DIPK1A: variants seen among roughly 807,000 people sequenced by gnomAD.
DIPK1A encodes the protein divergent protein kinase domain 1A.
A neutral mutation model predicts 40.8 loss-of-function variants in DIPK1A; 27 were observed. The ratio of observed to expected loss-of-function variants is 0.66; its 90% CI spans 0.49 to 0.91. The LOEUF (loss-of-function observed/expected upper bound fraction) is 0.91, where lower values mean the gene tolerates loss of function less well. Ranked by LOEUF, DIPK1A falls within the 40% of genes least tolerant of loss-of-function variation. DIPK1A has a pLI of 0.00. For missense variants in DIPK1A, 412 were observed against 505.7 expected, an observed-to-expected ratio of 0.81 and a Z score of 1.78; for synonymous variants, 166 against 171.3, an observed-to-expected ratio of 0.97 and a Z score of 0.24.
rs750524736 is a variant in DIPK1A at position 92,876,393 on chromosome 1, A to T, written c.92T>A (p.Phe31Tyr). Residue 31 changes from phenylalanine to tyrosine, a missense_variant, in exon 2 of 5, where the codon TTT (phenylalanine) becomes TAT (tyrosine). Transcript: ENST00000370310. ...FSYVRMKYLF[F>Y]SWLVVFVGSW... is the part of the protein sequence containing the mutation. ...TCCAACAAAAACCACTAACCAGGAA[A>T]AGAAAAGATATTTCATCCGCACATA... 1 of 1,613,668 alleles carries T rather than the reference A, an allele frequency of 6.2e-7. No individual in the cohort carries two copies. The highest frequency in any genetic ancestry group is 8.5e-7 in the Non-Finnish European group (1 of 1,179,686).
intron 1 of DIPK1A, among the ~76,000 whole-genome samples, chr1:92,918,615 C>G (rs919563452): frequency 2.6e-5 from 4 of 152,180 alleles, no homozygotes; most frequent in Non-Finnish European, 4.4e-5. Flanking sequence ...CCTAATCATT[C>G]CTATAACTCC....
chr1:92,878,946 G>A (rs570650185), intron 1 of DIPK1A, among the ~76,000 whole-genome samples: 1 of 152,298 alleles, frequency 6.6e-6, no homozygotes, highest in East Asian at 1.9e-4. Context: ...GGCGGAGGTT[G>A]CAGTGAGCCG....
chr1:92,836,055 C>G, intron 4 of DIPK1A: 1 of 749,618 alleles, frequency 1.3e-6, no homozygotes, highest in South Asian at 1.5e-5. Flanking sequence ...GCAAGTGGAT[C>G]TGGTGAAAGG....
intron 3 of DIPK1A, among the ~76,000 whole-genome samples, chr1:92,849,671 C>A (rs1687749078): frequency 6.6e-6 from 1 of 152,162 alleles, no homozygotes; most frequent in African/African-American, 2.4e-5. Context: ...TGCCACCACA[C>A]CCGGCTAATT....
intron 1 of DIPK1A, among the ~76,000 whole-genome samples, chr1:92,926,499 G>A (rs1650516149): frequency 1.3e-5 from 2 of 152,146 alleles, no homozygotes; most frequent in South Asian, 2.1e-4. Context: ...TTTGGGTATT[G>A]GGTTCTATAA....
chr1:92,942,644 T>C (rs1270837319), intron 1 of DIPK1A, among the ~76,000 whole-genome samples: 2 of 152,134 alleles, frequency 1.3e-5, no homozygotes, highest in Non-Finnish European at 2.9e-5. Flanking sequence ...TTGAAATACT[T>C]TGTTAATTAG....
At chr1:92,953,682 TAAA>T (rs1651728098) in intron 1 of DIPK1A, among the ~76,000 whole-genome samples, 1 of 152,118 alleles carries the variant, frequency 6.6e-6, no homozygotes, top group African/African-American at 2.4e-5. Flanking sequence ...ATATGAAGTA[TAAA>T]GCAGTCTAAT....
intron 1 of DIPK1A, among the ~76,000 whole-genome samples, chr1:92,906,289 A>C (rs1284723465): frequency 1.3e-5 from 2 of 152,186 alleles, no homozygotes; most frequent in Non-Finnish European, 2.9e-5. Flanking sequence ...ATCTGCAAAG[A>C]AATATTAAAT....
At chr1:92,848,705 C>T (rs1409101025) in intron 3 of DIPK1A, among the ~76,000 whole-genome samples, 1 of 152,184 alleles carries the variant, frequency 6.6e-6, no homozygotes, top group Non-Finnish European at 1.5e-5. Context: ...TCTGTCTCAT[C>T]TCACATTAGA....
chr1:92,942,073 CT>C (rs1651175480), intron 1 of DIPK1A, among the ~76,000 whole-genome samples: 2 of 151,740 alleles, frequency 1.3e-5, no homozygotes, highest in South Asian at 4.2e-4. Context: ...GCAGTAAATA[CT>C]TTTTGATGAG....
At chr1:92,889,638 TC>T (rs1290960354) in intron 1 of DIPK1A, among the ~76,000 whole-genome samples, 1 of 152,024 alleles carries the variant, frequency 6.6e-6, no homozygotes, top group Non-Finnish European at 1.5e-5. Flanking sequence ...ACATGAGATA[TC>T]TTTCCTTTTT....
rs571508906 is a variant in DIPK1A at position 92,911,597 on chromosome 1, T to C, written c.55-35167A>G. 1.6e-4 allele frequency among the ~76,000 whole-genome samples: 25 copies of C among 152,284 alleles called. No individual in the cohort carries two copies. The South Asian group carries it at 5.0e-3, about 30-fold the overall frequency. On this transcript the variant is annotated intron_variant, in intron 1 of 4. Transcript: ENST00000370310. ...AGGACATCTGAGCTGATTCCACTTT[T>C]GGGGTATTACAAATTAAGCTACTAT...
chr1:92,941,985 G>A (rs1370768520), intron 1 of DIPK1A, among the ~76,000 whole-genome samples: 2 of 146,108 alleles, frequency 1.4e-5, no homozygotes, highest in Middle Eastern at 3.5e-3. Context: ...GGGAGACTCT[G>A]TCTCAAAAAA....
At chr1:92,893,335 G>A (rs1243845819) in intron 1 of DIPK1A, among the ~76,000 whole-genome samples, 8 of 151,732 alleles carry the variant, frequency 5.3e-5, no homozygotes, top group Non-Finnish European at 1.0e-4. Context: ...AGAAGAGAGT[G>A]GGGGCCAATA....
chr1:92,948,674 T>C (rs1393921110), intron 1 of DIPK1A, among the ~76,000 whole-genome samples: 2 of 146,116 alleles, frequency 1.4e-5, no homozygotes, highest in South Asian at 2.1e-4. Context: ...TATGTGTATA[T>C]ATACATGTAT....
intron 2 of DIPK1A, among the ~76,000 whole-genome samples, chr1:92,859,499 A>T (rs777531629): frequency 6.6e-6 from 1 of 152,156 alleles, no homozygotes; most frequent in Non-Finnish European, 1.5e-5. Flanking sequence ...CAGCACACAC[A>T]GTTTAATATA....
At chr1:92,835,098 C>A in intron 4 of DIPK1A, 3 of 793,514 alleles carry the variant, frequency 3.8e-6, no homozygotes. Context: ...TCTGCAATGA[C>A]ACAAATCTGT....
At chr1:92,923,202 G>A (rs1358146891) in intron 1 of DIPK1A, among the ~76,000 whole-genome samples, 3 of 152,136 alleles carry the variant, frequency 2.0e-5, no homozygotes, top group South Asian at 2.1e-4. Context: ...GCAGTGGCAC[G>A]ATCTCGGCTC....
intron 3 of DIPK1A, among the ~76,000 whole-genome samples, chr1:92,850,198 G>A (rs1184159353): frequency 4.0e-5 from 6 of 151,594 alleles, no homozygotes; most frequent in African/African-American, 2.4e-5. Flanking sequence ...TCAGACTCCT[G>A]GGCGCAAGTG....
Sources: allele counts gnomAD v4.1 joint callset (sites outside exome capture counted in the v4.1 genomes callset), GRCh38; gene constraint gnomAD v4.1.1; transcripts MANE v1.5; gene names NCBI Gene and HGNC (gene_info 2026-07-23, HGNC 2026-07-21).